The following SLC44A5 variants were observed in gnomAD, a reference collection of about 807,000 sequenced individuals.
SLC44A5 encodes the protein solute carrier family 44 member 5.
A neutral mutation model predicts 101.8 loss-of-function variants in SLC44A5; 57 were observed. That is an observed-to-expected ratio of 0.56 (90% CI 0.45 to 0.70). SLC44A5 has a LOEUF of 0.70. SLC44A5 is among the 30% of genes least tolerant of loss of function. SLC44A5 has a pLI of 0.00. For synonymous variants in SLC44A5, 281 were observed against 290.9 expected (o/e 0.97, Z 0.35); for missense variants, 737 against 853.1 (o/e 0.86, Z 1.70).
At chr1:75,207,095 A>T (rs1396089554) in intron 23 of SLC44A5, among the ~76,000 whole-genome samples, 1 of 152,194 alleles carries the variant, frequency 6.6e-6, no homozygotes. Flanking sequence ...TAATTCTGTG[A>T]TAAATGTAGA....
the SLC44A5 span, among the ~76,000 whole-genome samples, chr1:75,618,685 A>C: frequency 6.6e-6 from 1 of 152,294 alleles, no homozygotes; most frequent in East Asian, 1.9e-4. Context: ...TCAGCTACAA[A>C]CCTGTGTAAG....
chr1:75,480,062 G>C (rs200681468), intron 2 of SLC44A5, among the ~76,000 whole-genome samples: 58 of 152,010 alleles, frequency 3.8e-4, no homozygotes, highest in African/African-American at 9.9e-4. Context: ...CCATGATCAA[G>C]TGGGCTTCAT....
chr1:75,489,574 T>C (rs989101827), intron 2 of SLC44A5, among the ~76,000 whole-genome samples: 4 of 152,200 alleles, frequency 2.6e-5, no homozygotes, highest in African/African-American at 4.8e-5. Flanking sequence ...GTTATCTATG[T>C]TTTAGCAGGT....
chr1:75,358,813 A>G (rs1473630454), intron 3 of SLC44A5, among the ~76,000 whole-genome samples: 1 of 152,198 alleles, frequency 6.6e-6, no homozygotes, highest in Non-Finnish European at 1.5e-5. Context: ...CAAGCTGATA[A>G]ACATATCCCT....
intron 3 of SLC44A5, among the ~76,000 whole-genome samples, chr1:75,351,554 T>A (rs570833660): frequency 6.6e-6 from 1 of 152,136 alleles, no homozygotes; most frequent in East Asian, 1.9e-4. Flanking sequence ...ATATAAGGTA[T>A]TTTTACGTTA....
chr1:75,280,705 T>C (rs1274898184), intron 5 of SLC44A5, among the ~76,000 whole-genome samples: 1 of 151,154 alleles, frequency 6.6e-6, no homozygotes, highest in Admixed American at 6.7e-5. Flanking sequence ...GTTCTCATGA[T>C]AGTGAGTGAG....
intron 1 of SLC44A5, among the ~76,000 whole-genome samples, chr1:75,545,292 A>G (rs997789650): frequency 6.6e-6 from 1 of 152,086 alleles, no homozygotes; most frequent in Non-Finnish European, 1.5e-5. Context: ...AGTCTTTGCT[A>G]TTGTGAATAG....
chr1:75,488,398 T>C (rs1343397814), intron 2 of SLC44A5, among the ~76,000 whole-genome samples: 1 of 152,148 alleles, frequency 6.6e-6, no homozygotes, highest in Non-Finnish European at 1.5e-5. Context: ...ATGCTAAGTA[T>C]TTGTGTATCT....
chr1:75,221,957 C>CTTTT (rs199560766), intron 14 of SLC44A5, among the ~76,000 whole-genome samples: 1 of 126,868 alleles, frequency 7.9e-6, no homozygotes, highest in East Asian at 2.0e-4. Context: ...AAGTCTTCTT[C>CTTTT]TTCTTTTTTT....
At chr1:75,611,275 A>C (rs902108104), upstream of SLC44A5, among the ~76,000 whole-genome samples, 1 of 152,288 alleles carries the variant, frequency 6.6e-6, no homozygotes, top group South Asian at 2.1e-4. Flanking sequence ...TCCTGGAGCT[A>C]TAGTATATTT....
the SLC44A5 span, among the ~76,000 whole-genome samples, chr1:75,672,307 T>C: frequency 6.6e-6 from 1 of 151,622 alleles, no homozygotes; most frequent in Non-Finnish European, 1.5e-5. Context: ...GAAAGCACAG[T>C]GATTGTAAGA....
At chr1:75,599,090 G>C (rs1674819530) in intron 1 of SLC44A5, among the ~76,000 whole-genome samples, 1 of 151,998 alleles carries the variant, frequency 6.6e-6, no homozygotes, top group South Asian at 2.1e-4. Flanking sequence ...TAAAAATATA[G>C]AGAAATGTTT....
At chr1:75,599,935 T>C (rs1290951247) in intron 1 of SLC44A5, among the ~76,000 whole-genome samples, 1 of 152,174 alleles carries the variant, frequency 6.6e-6, no homozygotes, top group Non-Finnish European at 1.5e-5. Flanking sequence ...AAAGCCATTA[T>C]TGGATTTTAG....
At chr1:75,505,045 G>A (rs1261736776) in intron 2 of SLC44A5, among the ~76,000 whole-genome samples, 1 of 151,724 alleles carries the variant, frequency 6.6e-6, no homozygotes, top group East Asian at 1.9e-4. Flanking sequence ...TCCCATCTTT[G>A]TGTCCATAGG....
intron 2 of SLC44A5, among the ~76,000 whole-genome samples, chr1:75,447,375 A>C (rs192261079): frequency 6.4e-4 from 92 of 142,868 alleles, no homozygotes; most frequent in African/African-American, 2.3e-3. Flanking sequence ...TTTTATTAAA[A>C]TAATCACTTA....
chr1:75,481,418 C>G (rs1399848141), intron 2 of SLC44A5, among the ~76,000 whole-genome samples: 2 of 152,104 alleles, frequency 1.3e-5, no homozygotes, highest in Non-Finnish European at 2.9e-5. Context: ...TCTAGTTAAA[C>G]TCAAGAGCTT....
chr1:75,652,125 T>A, the SLC44A5 span, among the ~76,000 whole-genome samples: 6 of 152,138 alleles, frequency 3.9e-5, no homozygotes, highest in African/African-American at 1.4e-4. Context: ...AGTGAGCACG[T>A]GCACAATTTC....
At chr1:75,316,773 T>C (rs1655721283) in intron 4 of SLC44A5, among the ~76,000 whole-genome samples, 1 of 152,208 alleles carries the variant, frequency 6.6e-6, no homozygotes, top group African/African-American at 2.4e-5. Context: ...TCCCTTTGCT[T>C]CTTACTGGGT....
chr1:75,409,760 A>G (rs952469491), intron 2 of SLC44A5, among the ~76,000 whole-genome samples: 1 of 152,086 alleles, frequency 6.6e-6, no homozygotes, highest in Non-Finnish European at 1.5e-5. Flanking sequence ...CCCAAAACAC[A>G]ATGCTACTAC....
Sources: allele counts gnomAD v4.1 joint callset (sites outside exome capture counted in the v4.1 genomes callset), GRCh38; gene constraint gnomAD v4.1.1; transcripts MANE v1.5; gene names NCBI Gene and HGNC (gene_info 2026-07-23, HGNC 2026-07-21).